Variants in SKOR2 observed in about 807,000 individuals in gnomAD.
SKOR2 encodes LBX1 corepressor 1-like protein.
In SKOR2, 47 loss-of-function variants were observed where a neutral mutation model predicts 69.1. The observed-to-expected ratio is 0.68, with a 90% CI of 0.54 to 0.87. The LOEUF (loss-of-function observed/expected upper bound fraction) is 0.87. SKOR2 is among the 40% of genes least tolerant of loss of function. The pLI is 0.00. For missense variants in SKOR2, 1,404 were observed against 1,472.2 expected, an observed-to-expected ratio of 0.95 and a Z score of 0.76; for synonymous variants, 717 against 672.6, an observed-to-expected ratio of 1.07 and a Z score of -1.02.
At chr18:47,220,976 C>T (rs1002349362) in intron 6 of SKOR2, among the ~76,000 whole-genome samples, 8 of 152,112 alleles carry the variant, frequency 5.3e-5, no homozygotes, top group South Asian at 2.1e-4. Context: ...TTACCTCCCA[C>T]GTGCAGGCAC....
chr18:47,219,616 C>T (rs983862842), intron 7 of SKOR2, among the ~76,000 whole-genome samples: 2 of 152,134 alleles, frequency 1.3e-5, no homozygotes, highest in East Asian at 3.8e-4. Context: ...GACAGTTGCC[C>T]TTCACTGAGC....
At chr18:47,207,407 A>C (rs1307190082) in intron 8 of SKOR2, among the ~76,000 whole-genome samples, 1 of 152,174 alleles carries the variant, frequency 6.6e-6, no homozygotes, top group Non-Finnish European at 1.5e-5. Context: ...AATGTATGGA[A>C]TGCAGAGCCA....
chr18:47,237,669 T>C (rs1005364124), intron 4 of SKOR2, among the ~76,000 whole-genome samples: 1 of 151,840 alleles, frequency 6.6e-6, no homozygotes, highest in African/African-American at 2.4e-5. Context: ...AATACATTCT[T>C]TCTCCTCCCC....
At chr18:47,213,169 C>G (rs1228173984) in intron 7 of SKOR2, among the ~76,000 whole-genome samples, 1 of 152,028 alleles carries the variant, frequency 6.6e-6, no homozygotes, top group African/African-American at 2.4e-5. Flanking sequence ...TGCCTCTCCA[C>G]TAACCCCCGT....
Position 47,230,915 on chromosome 18 carries a change from G to T in SKOR2, c.2818+20C>A. On this transcript the variant is annotated intron_variant, in intron 5 of 8. Transcript: ENST00000425639. ...GTTTAAAGCTAAGAGAAGTTCTACAGAATTGAAACTTTCATTTACCTTTCC... is the reference window on the plus strand; with the variant it reads ...GTTTAAAGCTAAGAGAAGTTCTACATAATTGAAACTTTCATTTACCTTTCC... 1 of 1,514,426 alleles carries T rather than the reference G, an allele frequency of 6.6e-7. No individual in the cohort carries two copies. The highest frequency in any genetic ancestry group is 8.9e-7 in the Non-Finnish European group (1 of 1,128,784). 93.8% of individuals were successfully genotyped at this position (1,514,426 alleles called of 1,614,324 possible).
chr18:47,245,488 T>TTTTTTTTTTTTC lies in SKOR2; in HGVS notation c.2677+9_2677+10insGAAAAAAAAAAA. On this transcript the variant is annotated intron_variant, in intron 3 of 8. Coordinates refer to ENST00000425639, the MANE Select transcript of SKOR2 (RefSeq NM_001278063.4). ...GAAAAGTGGCAGCTGATTTTTTTTT[T>TTTTTTTTTTTTC]TTTTTTTACCTGAAAAGCTGTTGTC... 1 of 1,462,278 alleles carries TTTTTTTTTTTTC rather than the reference T, an allele frequency of 6.8e-7. No homozygotes were observed. The highest frequency in any genetic ancestry group is 2.5e-5 in the East Asian group (1 of 40,032). The allele number at this position is 1,462,278 out of a possible 1,614,324, so 90.6% of individuals were successfully genotyped here.
chr18:47,233,597 A>G (rs1356529312), intron 4 of SKOR2, among the ~76,000 whole-genome samples: 1 of 152,234 alleles, frequency 6.6e-6, no homozygotes, highest in African/African-American at 2.4e-5. Context: ...GCATAATGAC[A>G]CTATCATTCT....
At chr18:47,242,987 T>C (rs138827071) in intron 4 of SKOR2, among the ~76,000 whole-genome samples, 11 of 152,318 alleles carry the variant, frequency 7.2e-5, no homozygotes, top group African/African-American at 2.2e-4. Context: ...TATTCAACTT[T>C]AGGCTTTACG....
chr18:47,237,045 C>T (rs983869030), intron 4 of SKOR2, among the ~76,000 whole-genome samples: 2 of 152,224 alleles, frequency 1.3e-5, no homozygotes, highest in African/African-American at 4.8e-5. Flanking sequence ...GGTACAAATA[C>T]ATTCCACAAA....
intron 7 of SKOR2, among the ~76,000 whole-genome samples, chr18:47,219,175 T>C (rs16950096): frequency 0.054 from 8,151 of 152,252 alleles, 242 homozygotes; most frequent in East Asian, 0.058. Flanking sequence ...GCACTAAGGA[T>C]CAATATGTGT....
intron 4 of SKOR2, among the ~76,000 whole-genome samples, chr18:47,235,482 C>T (rs1382639801): frequency 6.6e-6 from 1 of 152,146 alleles, no homozygotes; most frequent in Admixed American, 6.5e-5. Context: ...CCTGCTCATC[C>T]AGGAGGGTGG....
intron 6 of SKOR2, among the ~76,000 whole-genome samples, chr18:47,224,334 A>G (rs1486339865): frequency 1.3e-5 from 2 of 152,258 alleles, no homozygotes; most frequent in Non-Finnish European, 2.9e-5. Flanking sequence ...ATAATACGAA[A>G]GGAAGTAGCA....
chr18:47,230,562 TAA>T lies in SKOR2; in HGVS notation c.2819-7_2819-6del, dbSNP rs546904770. On this transcript the variant is annotated splice_region_variant and splice_polypyrimidine_tract_variant and intron_variant, in intron 5 of 8. Coordinates refer to ENST00000425639, the MANE Select transcript of SKOR2 (RefSeq NM_001278063.4). ...ATAAAACCTTCTGAAGTTCTTCTAATAAAAAAAAGAAGAGTCATTTTACTAAT... is the reference window on the plus strand; with the variant it reads ...ATAAAACCTTCTGAAGTTCTTCTAATAAAAAAGAAGAGTCATTTTACTAAT... 4.3e-6 allele frequency: 6 copies of T among 1,400,528 alleles called. No individual in the cohort carries two copies. Among genetic ancestry groups the T allele is most frequent in the Non-Finnish European group, 5.5e-6 (6 of 1,081,842 alleles). The allele number at this position is 1,400,528 out of a possible 1,614,324, so 86.8% of individuals were successfully genotyped here.
At chr18:47,237,580 G>A (rs901170233) in intron 4 of SKOR2, among the ~76,000 whole-genome samples, 5 of 152,126 alleles carry the variant, frequency 3.3e-5, no homozygotes, top group African/African-American at 1.2e-4. Flanking sequence ...GGTATACCAT[G>A]TATATGGGGT....
intron 4 of SKOR2, among the ~76,000 whole-genome samples, chr18:47,235,641 C>T (rs1251942767): frequency 1.3e-5 from 2 of 152,086 alleles, no homozygotes; most frequent in African/African-American, 2.4e-5. Context: ...TATTCCAACC[C>T]ACTCTTGGTT....
chr18:47,221,150 T>C (rs879130218), intron 6 of SKOR2, among the ~76,000 whole-genome samples: 1 of 152,180 alleles, frequency 6.6e-6, no homozygotes, highest in Admixed American at 6.5e-5. Context: ...TGAAAAGGCT[T>C]TGTTCTTTTT....
In SKOR2 at chr18:47,247,494, C is replaced by A; in HGVS notation, c.1690G>T (p.Gly564Cys). 1 of 1,208,500 alleles carries A rather than the reference C, an allele frequency of 8.3e-7. No individual in the cohort carries two copies. The highest frequency in any genetic ancestry group is 4.1e-5 in the South Asian group (1 of 24,312). The allele number at this position is 1,208,500 out of a possible 1,614,324, so 74.9% of individuals were successfully genotyped here. Residue 564 changes from glycine (G) to cysteine (C), a missense_variant, in exon 2 of 9, where the codon GGC becomes TGC. Physicochemically the swap from Gly to Cys is radical, Grantham distance 159 (BLOSUM62 -3). Transcript: ENST00000425639. This position sits in a 1 kb window ranked among gnomAD's most constrained non-coding sequence, Gnocchi z 6.6. ...RDALFESPPG[G>C]SGGDCSAGST... ...CCCGCGCTGCAGTCCCCGCCGCTGC[C>A]GCCCGGGGGCGACTCGAAGAGCGCG...
rs925829759 is a variant in SKOR2 at position 47,247,550 on chromosome 18, G to A, written c.1634C>T (p.Pro545Leu). Residue 545 changes from proline to leucine, a missense_variant, in exon 2 of 9, where the codon CCT (proline) becomes CTT (leucine). Coordinates refer to ENST00000425639, the MANE Select transcript of SKOR2 (RefSeq NM_001278063.4). This position sits in a 1 kb window ranked among gnomAD's most constrained non-coding sequence, Gnocchi z 6.6. ...AGAGCCGGCGCCCCCGGCAGGAGGA[G>A]GTGGGCCGGAGCCCGGGCCGTTGGC... The part of the protein sequence containing the change: ...VVANGPGSGP[P>L]PPAGGAGSRD... 3.4e-5 allele frequency: 42 copies of A among 1,225,216 alleles called. No individual in the cohort carries two copies. In the African/African-American group the frequency reaches 6.1e-4, roughly 18 times the overall value. The allele number at this position is 1,225,216 out of a possible 1,614,324, so 75.9% of individuals were successfully genotyped here.
chr18:47,215,359 C>A (rs1335977398), intron 7 of SKOR2, among the ~76,000 whole-genome samples: 2 of 151,958 alleles, frequency 1.3e-5, no homozygotes, highest in African/African-American at 2.4e-5. Flanking sequence ...GTCCTATCTA[C>A]CTTTTTTTAA....
Sources: gnomAD v4.1 joint callset for allele counts (sites outside exome capture counted in the v4.1 genomes callset) on GRCh38, gnomAD v4.1.1 for gene constraint, Gnocchi (gnomAD v3.1) non-coding constraint, MANE v1.5 for transcripts, NCBI Gene and HGNC (gene_info 2026-07-23, HGNC 2026-07-21) for gene names.